FSTL5: variants seen among roughly 807,000 people sequenced by gnomAD.
FSTL5 encodes the protein follistatin-related protein 5.
FSTL5 carries 62 observed loss-of-function variants against 89.1 expected under a neutral mutation model. The observed-to-expected ratio is 0.70, with a 90% confidence interval of 0.57 to 0.86. The LOEUF (loss-of-function observed/expected upper bound fraction) is 0.86, where lower values mean the gene tolerates loss of function less well. FSTL5 is among the 40% of genes least tolerant of loss of function. The pLI is 0.00. For synonymous variants in FSTL5, 383 were observed against 346.2 expected (o/e 1.11, Z -1.18); for missense variants, 1,057 against 1,001.6 (o/e 1.06, Z -0.75).
At chr4:161,948,200 T>C (rs974340661) in intron 3 of FSTL5, among the ~76,000 whole-genome samples, 6 of 151,342 alleles carry the variant, frequency 4.0e-5, no homozygotes, top group African/African-American at 1.5e-4. Flanking sequence ...AGAGGATTGC[T>C]TGAGCCTGGG....
chr4:161,906,716 A>G (rs1733539787), intron 4 of FSTL5, among the ~76,000 whole-genome samples: 1 of 152,170 alleles, frequency 6.6e-6, no homozygotes, highest in South Asian at 2.1e-4. Context: ...GCAGTCAAAT[A>G]CAGCAAATAT....
chr4:162,085,388 T>A (rs1369123207), intron 2 of FSTL5, among the ~76,000 whole-genome samples: 5 of 151,984 alleles, frequency 3.3e-5, no homozygotes, highest in Non-Finnish European at 7.4e-5. Context: ...TACTTAACAA[T>A]CAGGAGATTT....
chr4:162,142,886 T>G (rs529117886), intron 1 of FSTL5, among the ~76,000 whole-genome samples: 2 of 152,194 alleles, frequency 1.3e-5, no homozygotes, highest in Non-Finnish European at 2.9e-5. Context: ...CATATGAAGC[T>G]GTTTTAACAA....
chr4:161,830,080 G>A (rs927941188), intron 4 of FSTL5, among the ~76,000 whole-genome samples: 3 of 152,062 alleles, frequency 2.0e-5, no homozygotes, highest in African/African-American at 7.2e-5. Context: ...CCTGGCTGAT[G>A]TAATAACATT....
At chr4:161,820,509 T>A (rs1730456969) in intron 4 of FSTL5, among the ~76,000 whole-genome samples, 1 of 152,200 alleles carries the variant, frequency 6.6e-6, no homozygotes, top group South Asian at 2.1e-4. Context: ...CCATTTCTTT[T>A]TCTTCCTAGA....
chr4:161,700,984 TA>T (rs1259034117), intron 6 of FSTL5, among the ~76,000 whole-genome samples: 2 of 152,222 alleles, frequency 1.3e-5, no homozygotes, highest in African/African-American at 2.4e-5. Context: ...GCTAAAATTC[TA>T]AACTAATGAG....
At chr4:161,958,545 A>G (rs1212857860) in intron 3 of FSTL5, among the ~76,000 whole-genome samples, 1 of 152,106 alleles carries the variant, frequency 6.6e-6, no homozygotes, top group Non-Finnish European at 1.5e-5. Flanking sequence ...ATTGATGGGA[A>G]CAAGAACAAT....
intron 13 of FSTL5, among the ~76,000 whole-genome samples, chr4:161,459,789 T>C (rs1733496550): frequency 6.6e-6 from 1 of 152,088 alleles, no homozygotes; most frequent in South Asian, 2.1e-4. Flanking sequence ...ATCTGTAATG[T>C]TAAAATGCCA....
At chr4:161,532,295 G>T (rs1314087370) in intron 10 of FSTL5, among the ~76,000 whole-genome samples, 1 of 151,990 alleles carries the variant, frequency 6.6e-6, no homozygotes, top group Non-Finnish European at 1.5e-5. Context: ...TTATACGTAA[G>T]ATCGAAACAG....
In FSTL5 at chr4:161,612,940, C is replaced by CT. The variant is rs11302016; in HGVS notation, c.895-25366dup. 5.0e-3 allele frequency among the ~76,000 whole-genome samples: 753 copies of CT among 150,686 alleles called. 9 individuals carry two copies. Among genetic ancestry groups the CT allele is most frequent in the East Asian group, 0.019 (99 of 5,116 alleles). ...TGTAATACAATGGTATATTAGTGCT[C>CT]TTTTTTTTTTACTAGTTTAACAGTT... On this transcript the variant is annotated intron_variant, in intron 7 of 15. Coordinates refer to ENST00000306100, the MANE Select transcript of FSTL5 (RefSeq NM_020116.5).
At chr4:161,966,168 T>C (rs922052400) in intron 3 of FSTL5, among the ~76,000 whole-genome samples, 2 of 152,120 alleles carry the variant, frequency 1.3e-5, no homozygotes, top group African/African-American at 4.8e-5. Flanking sequence ...TCATTGTTAG[T>C]TTCTTACTAA....
chr4:161,658,132 A>T (rs1167463769), intron 6 of FSTL5, among the ~76,000 whole-genome samples: 1 of 152,142 alleles, frequency 6.6e-6, no homozygotes, highest in African/African-American at 2.4e-5. Context: ...AATCAGATTT[A>T]TCCATATTCC....
intron 2 of FSTL5, among the ~76,000 whole-genome samples, chr4:162,035,870 A>C (rs531505988): frequency 6.6e-6 from 1 of 152,176 alleles, no homozygotes; most frequent in Admixed American, 6.6e-5. Flanking sequence ...TGATACATTA[A>C]AGTTTTGCTG....
intron 2 of FSTL5, among the ~76,000 whole-genome samples, chr4:162,087,807 T>C (rs887100162): frequency 6.6e-6 from 1 of 152,162 alleles, no homozygotes; most frequent in African/African-American, 2.4e-5. Context: ...ACATTACCTA[T>C]GAATCAATTG....
chr4:161,907,577 CAGACATGGTTT>C (rs775787435), intron 4 of FSTL5, among the ~76,000 whole-genome samples: 4 of 151,984 alleles, frequency 2.6e-5, no homozygotes, highest in African/African-American at 4.8e-5. Flanking sequence ...TGCTATTCAC[CAGACATGGTTT>C]TCTAAATTAT....
chr4:161,800,276 C>A (rs948299803), intron 4 of FSTL5, among the ~76,000 whole-genome samples: 4 of 151,416 alleles, frequency 2.6e-5, no homozygotes, highest in African/African-American at 9.7e-5. Flanking sequence ...TATACAAAAC[C>A]CGTTCAAACC....
intron 2 of FSTL5, among the ~76,000 whole-genome samples, chr4:162,038,280 C>T (rs961050306): frequency 6.6e-6 from 1 of 151,774 alleles, no homozygotes; most frequent in Non-Finnish European, 1.5e-5. Context: ...TTCCAAAGTG[C>T]TGTATATTAA....
chr4:161,732,972 A>G (rs1442576013), intron 6 of FSTL5, among the ~76,000 whole-genome samples: 1 of 150,252 alleles, frequency 6.7e-6, no homozygotes, highest in Non-Finnish European at 1.5e-5. Context: ...TATTTTATAT[A>G]CTCTTTATTT....
chr4:162,126,014 C>T (rs576096988), intron 1 of FSTL5, among the ~76,000 whole-genome samples: 93 of 151,916 alleles, frequency 6.1e-4, no homozygotes, highest in African/African-American at 2.2e-3. Flanking sequence ...ATGTATCTTT[C>T]TTTTGAAGAA....
Sources: allele counts gnomAD v4.1 joint callset (sites outside exome capture counted in the v4.1 genomes callset), GRCh38; gene constraint gnomAD v4.1.1; transcripts MANE v1.5; gene names NCBI Gene and HGNC (gene_info 2026-07-23, HGNC 2026-07-21).